The following OR2A12 variants were observed in gnomAD, a reference collection of about 807,000 sequenced individuals.
The protein encoded by OR2A12 is olfactory receptor 2A12.
For missense variants in OR2A12, 380 were observed against 372.5 expected (o/e 1.02, Z -0.17); for synonymous variants, 153 against 149.3 (o/e 1.02, Z -0.18).
intron 1 of OR2A12, among the ~76,000 whole-genome samples, chr7:144,090,099 G>A (rs1484968987): frequency 6.6e-6 from 1 of 151,930 alleles, no homozygotes; most frequent in African/African-American, 2.4e-5. Context: ...TCCCCTTCTT[G>A]GCAAAGTAAC....
intron 1 of OR2A12, among the ~76,000 whole-genome samples, chr7:144,086,971 A>G (rs1419506716): frequency 1.3e-5 from 2 of 152,160 alleles, no homozygotes; most frequent in Non-Finnish European, 2.9e-5. Flanking sequence ...AAAACGTTAC[A>G]TAGGTTTCAG....
chr7:144,093,723 C>T (rs985668648), intron 1 of OR2A12, among the ~76,000 whole-genome samples: 1 of 148,676 alleles, frequency 6.7e-6, no homozygotes, highest in Admixed American at 6.9e-5. Context: ...TGAGAACATG[C>T]GGTGTTTGGT....
At chr7:144,090,175 C>T (rs537077874) in intron 1 of OR2A12, among the ~76,000 whole-genome samples, 82 of 148,976 alleles carry the variant, frequency 5.5e-4, no homozygotes, top group Non-Finnish European at 8.6e-4. Context: ...GGAATTGTTG[C>T]TCTTATTAGA....
Position 144,095,348 on chromosome 7 carries a change from C to G in OR2A12, c.241C>G (p.Leu81Val). 1 of 1,613,466 alleles carries G rather than the reference C, an allele frequency of 6.2e-7. No homozygotes were observed. The highest frequency in any genetic ancestry group is 8.5e-7 in the Non-Finnish European group (1 of 1,179,444). Residue 81 changes from leucine (L) to valine (V), a missense_variant, in exon 2 of 2, where the codon CTA (leucine) becomes GTA (valine). Transcript: ENST00000641592. ...SYASSTVPKM[L>V]ANLVMHKKVI... ...TGCCTCGAGTACTGTCCCTAAGATG[C>G]TAGCAAATCTTGTGATGCACAAAAA...
intron 1 of OR2A12, among the ~76,000 whole-genome samples, chr7:144,090,834 C>G (rs928354038): frequency 6.6e-6 from 1 of 152,194 alleles, no homozygotes. Context: ...ACCTTCAGCT[C>G]CATCCATGTT....
chr7:144,092,719 G>T (rs1001841795), intron 1 of OR2A12, among the ~76,000 whole-genome samples: 1 of 151,918 alleles, frequency 6.6e-6, no homozygotes, highest in African/African-American at 2.4e-5. Context: ...TTCAAATTAA[G>T]GAATTTTTTT....
chr7:144,091,875 T>C (rs572907252), intron 1 of OR2A12, among the ~76,000 whole-genome samples: 16 of 152,342 alleles, frequency 1.1e-4, no homozygotes, highest in African/African-American at 3.6e-4. Flanking sequence ...TTGTCAATTT[T>C]TGCTTTTATT....
rs370928583 is a variant in OR2A12 at position 144,088,847 on chromosome 7, G to T, written c.-52+2304G>T. The stretch of plus-strand genomic sequence containing the variant: ...ACTCTTTCTTTTGGTGTTATTACTG[G>T]CTACTTTATTAATCAACATTAAATA... On this transcript the variant is annotated intron_variant, in intron 1 of 1. Transcript: ENST00000641592. Among the ~76,000 whole-genome samples the T allele has an allele frequency of 2.0e-4, 31 of 151,926 alleles. No individual in the cohort carries two copies. The East Asian group carries it at 4.6e-3, about 23-fold the overall frequency.
At chr7:144,093,888 T>C (rs1364493076) in intron 1 of OR2A12, among the ~76,000 whole-genome samples, 1 of 151,934 alleles carries the variant, frequency 6.6e-6, no homozygotes, top group Non-Finnish European at 1.5e-5. Context: ...TGTTGGACAT[T>C]TGGGTTGGTT....
At chr7:144,090,972 C>T (rs775074316) in intron 1 of OR2A12, among the ~76,000 whole-genome samples, 8 of 152,232 alleles carry the variant, frequency 5.3e-5, no homozygotes, top group South Asian at 2.1e-4. Flanking sequence ...TTTACTATTA[C>T]GAATAGTGCT....
Position 144,095,228 on chromosome 7 carries a change from A to G in OR2A12, c.121A>G (p.Asn41Asp), listed in dbSNP as rs1475439781. 1 of 1,613,926 alleles carries G rather than the reference A, an allele frequency of 6.2e-7. No individual in the cohort carries two copies. The highest frequency in any genetic ancestry group is 1.7e-5 in the Admixed American group (1 of 60,010). ...ATTCTACAGCTTAACCCTGATGGGAAATGGGATTATCCTGGGGCTCATCTA... is the reference window on the plus strand; with the variant it reads ...ATTCTACAGCTTAACCCTGATGGGAGATGGGATTATCCTGGGGCTCATCTA... ...LLFYSLTLMG[N>D]GIILGLIYLD... The change falls in exon 2 of 2, where the codon AAT (asparagine) becomes GAT (aspartate). Residue 41 changes from asparagine (N) to aspartate (D), a missense_variant. Physicochemically the swap from Asn to Asp is conservative, Grantham distance 23. Coordinates refer to ENST00000641592, the MANE Select transcript of OR2A12 (RefSeq NM_001004135.2).
chr7:144,095,130 T>C lies in OR2A12; in HGVS notation c.23T>C (p.Ile8Thr). The change falls in exon 2 of 2, where the codon ATC becomes ACC. Residue 8 changes from isoleucine to threonine, a missense_variant. Coordinates refer to ENST00000641592, the MANE Select transcript of OR2A12 (RefSeq NM_001004135.2). ...AACATGGAAAGCAATCAGACCTGGA[T>C]CACAGAAGTCATCCTGTTGGGATTC... is the stretch of plus-strand genomic sequence containing the variant. MESNQTWITEVILLGFQV... is the reference protein window; with the variant it reads MESNQTWTTEVILLGFQV... 3 of 1,610,822 alleles carry C rather than the reference T, an allele frequency of 1.9e-6. No individual in the cohort carries two copies. The highest frequency in any genetic ancestry group is 2.5e-6 in the Non-Finnish European group (3 of 1,178,432).
rs1586903498 is a variant in OR2A12, at chr7:144,098,150, A to C, written c.*2110A>C. The C allele has an allele frequency of 2.0e-5, 3 of 152,296 alleles. No homozygotes were observed. Among genetic ancestry groups the C allele is most frequent in the Non-Finnish European group, 1.5e-5 (1 of 68,030 alleles). The allele number at this position is 152,296 out of a possible 1,614,324, so 9.4% of individuals were successfully genotyped here. On this transcript the variant is annotated 3_prime_UTR_variant, in exon 2 of 2. Transcript: ENST00000641592. ...CAGAGTCTCATGCATTGTCTTGACT[A>C]GGTGACTTTCAATCATATCTCTTCA...
At position 144,097,022 on chromosome 7, in the gene OR2A12, T is replaced by A. The variant is rs1459040510; in HGVS notation, c.*982T>A. On this transcript the variant is annotated 3_prime_UTR_variant, in exon 2 of 2. Transcript: ENST00000641592. Reference sequence around the variant, plus strand: ...TAGACAAAAAGAACAAATACACCCATGCATGCGCACACACGCACACACGCA... The same window carrying A: ...TAGACAAAAAGAACAAATACACCCAAGCATGCGCACACACGCACACACGCA... 2.0e-5 allele frequency: 3 copies of A among 150,384 alleles called. No homozygotes were observed. The highest frequency in any genetic ancestry group is 7.4e-5 in the African/African-American group (3 of 40,272). 9.3% of individuals were successfully genotyped at this position (150,384 alleles called of 1,614,324 possible).
chr7:144,095,661 A>G lies in OR2A12; in HGVS notation c.554A>G (p.Lys185Arg), dbSNP rs1174427619. ...TTCTGTCAAATCATGTCCGTATTCAAATTGGCCTGTGCTGACACTAGGCTC... is the reference window on the plus strand; with the variant it reads ...TTCTGTCAAATCATGTCCGTATTCAGATTGGCCTGTGCTGACACTAGGCTC... ...HFFCQIMSVF[K>R]LACADTRLNQ... is the part of the protein sequence containing the mutation. The change falls in exon 2 of 2, where the codon AAA becomes AGA. Residue 185 changes from lysine to arginine, a missense_variant. Lys to Arg is a conservative substitution (Grantham distance 26). Coordinates refer to ENST00000641592, the MANE Select transcript of OR2A12 (RefSeq NM_001004135.2). The G allele has an allele frequency of 4.3e-6, 7 of 1,614,018 alleles. No homozygotes were observed. In the African/African-American group the frequency reaches 9.3e-5, roughly 22 times the overall value.
At chr7:144,090,555 A>T (rs2051220586) in intron 1 of OR2A12, among the ~76,000 whole-genome samples, 1 of 152,150 alleles carries the variant, frequency 6.6e-6, no homozygotes, top group Non-Finnish European at 1.5e-5. Flanking sequence ...TTTTAAATTC[A>T]GGTGTACATG....
At position 144,098,033 on chromosome 7, in the gene OR2A12, A is replaced by G. The variant is rs1380701850; in HGVS notation, c.*1993A>G. The G allele has an allele frequency of 6.6e-6, 1 of 152,190 alleles. No homozygotes were observed. Among genetic ancestry groups the G allele is most frequent in the African/African-American group, 2.4e-5 (1 of 41,434 alleles). 9.4% of individuals were successfully genotyped at this position (152,190 alleles called of 1,614,324 possible). On this transcript the variant is annotated 3_prime_UTR_variant, in exon 2 of 2. Transcript: ENST00000641592. The stretch of plus-strand genomic sequence containing the variant: ...GAACTTATGTTAATCAAAACAGGGC[A>G]TAAAAAGTGAAAGGACAAGCCACAA...
intron 1 of OR2A12, among the ~76,000 whole-genome samples, chr7:144,094,279 G>C (rs1292799111): frequency 6.6e-6 from 1 of 152,040 alleles, no homozygotes; most frequent in African/African-American, 2.4e-5. Flanking sequence ...CACTTTCTCA[G>C]GTTCTGTTGA....
Position 144,095,955 on chromosome 7 carries a change from T to C in OR2A12, c.848T>C (p.Ile283Thr), listed in dbSNP as rs546071834. 2 of 1,614,054 alleles carry C rather than the reference T, an allele frequency of 1.2e-6. No individual in the cohort carries two copies. The highest frequency in any genetic ancestry group is 1.7e-5 in the Admixed American group (1 of 60,020). ...CTGTTTTACAGCCTTTTCAACCCGA[T>C]CCTGAACCCCCTCATCTACAGCCTT... is the stretch of plus-strand genomic sequence containing the variant. ...LSLFYSLFNPILNPLIYSLRN... is the reference protein window; with the variant it reads ...LSLFYSLFNPTLNPLIYSLRN... Residue 283 changes from isoleucine (I) to threonine (T), a missense_variant, in exon 2 of 2, where the codon ATC (isoleucine) becomes ACC (threonine). Transcript: ENST00000641592.
Sources: gnomAD v4.1 joint callset for allele counts (sites outside exome capture counted in the v4.1 genomes callset) on GRCh38, gnomAD v4.1.1 for gene constraint, MANE v1.5 for transcripts, NCBI Gene and HGNC (gene_info 2026-07-23, HGNC 2026-07-21) for gene names.